Variants in DZIP3 observed in about 807,000 individuals in gnomAD.
The protein encoded by DZIP3 is DAZ interacting zinc finger protein 3, also known as E3 ubiquitin-protein ligase DZIP3.
A neutral mutation model predicts 162.0 loss-of-function variants in DZIP3; 118 were observed. That is an observed-to-expected ratio of 0.73 (90% CI 0.63 to 0.85). The LOEUF is 0.85. Among genes scored for constraint, DZIP3 ranks in the 40% least tolerant of loss-of-function variants. DZIP3 has a pLI of 0.00. For synonymous variants in DZIP3, 438 were observed against 458.6 expected, an observed-to-expected ratio of 0.96 and a Z score of 0.57; for missense variants, 1,331 against 1,407.0, an observed-to-expected ratio of 0.95 and a Z score of 0.86.
intron 5 of DZIP3, 65 bp from the exon 6 acceptor site, chr3:108,624,379 T>A (rs2107563557): frequency 1.2e-6 from 1 of 850,708 alleles, no homozygotes; most frequent in Non-Finnish European, 2.0e-6. Flanking sequence ...GATATTTAAT[T>A]AAGCTTGTTG....
intron 26 of DZIP3, among the ~76,000 whole-genome samples, chr3:108,683,333 A>C (rs1351128627): frequency 3.5e-5 from 5 of 144,184 alleles, no homozygotes; most frequent in African/African-American, 1.2e-4. Context: ...TGTTCTTTTA[A>C]GATGTTAAAA....
intron 4 of DZIP3, among the ~76,000 whole-genome samples, chr3:108,611,997 T>C (rs1940736218): frequency 6.6e-6 from 1 of 151,572 alleles, no homozygotes; most frequent in Non-Finnish European, 1.5e-5. Context: ...TTGTCAAAAA[T>C]GCATTTTTAA....
chr3:108,600,995 A>T (rs1939981584), intron 1 of DZIP3, among the ~76,000 whole-genome samples: 1 of 152,202 alleles, frequency 6.6e-6, no homozygotes, highest in Non-Finnish European at 1.5e-5. Flanking sequence ...TAATTTTGAC[A>T]TTAATGGATA....
chr3:108,689,057 A>G (rs1944597177), intron 31 of DZIP3, 133 bp downstream of exon 31: 2 of 823,100 alleles, frequency 2.4e-6, no homozygotes, highest in Admixed American at 2.4e-5. Flanking sequence ...TTTGGGTACC[A>G]CACAGAAACA....
intron 5 of DZIP3, among the ~76,000 whole-genome samples, chr3:108,622,975 A>T (rs534580419): frequency 2.0e-5 from 3 of 150,810 alleles, no homozygotes; most frequent in Non-Finnish European, 4.4e-5. Flanking sequence ...TCTAGTTCAG[A>T]TCCGAAGCCA....
chr3:108,611,716 A>G (rs1940715414), intron 4 of DZIP3, among the ~76,000 whole-genome samples: 1 of 152,280 alleles, frequency 6.6e-6, no homozygotes, highest in African/African-American at 2.4e-5. Flanking sequence ...CTCTAATCCT[A>G]GCACTTTGGG....
Position 108,626,417 on chromosome 3 carries a change from T to C in DZIP3, c.581+448T>C, listed in dbSNP as rs186067577. Among the ~76,000 whole-genome samples the C allele has an allele frequency of 4.1e-4, 63 of 152,358 alleles. No homozygotes were observed. The Middle Eastern group carries it at 0.01, about 25-fold the overall frequency. On this transcript the variant is annotated intron_variant, in intron 7 of 32. Transcript: ENST00000361582. Reference sequence around the variant, plus strand: ...AAATTATGGTTGGAGTTATTAGTATTATCACCACTAACTTGGAATAGTTTT... The same window carrying C: ...AAATTATGGTTGGAGTTATTAGTATCATCACCACTAACTTGGAATAGTTTT...
intron 4 of DZIP3, among the ~76,000 whole-genome samples, chr3:108,614,950 A>G (rs945726375): frequency 3.9e-5 from 6 of 152,068 alleles, no homozygotes; most frequent in African/African-American, 1.4e-4. Context: ...CAAATAAACT[A>G]TTTCCATTGA....
At chr3:108,671,795 C>A (rs1943935783) in intron 22 of DZIP3, among the ~76,000 whole-genome samples, 1 of 151,908 alleles carries the variant, frequency 6.6e-6, no homozygotes, top group Non-Finnish European at 1.5e-5. Context: ...TTTATATTAT[C>A]TGAATTAATT....
chr3:108,607,590 G>GTA (rs1940452185), intron 2 of DZIP3, among the ~76,000 whole-genome samples: 1 of 152,128 alleles, frequency 6.6e-6, no homozygotes, highest in East Asian at 1.9e-4. Context: ...CCTGTCAAGT[G>GTA]ATCCCTTATT....
At position 108,608,126 on chromosome 3, in the gene DZIP3, G is replaced by C. The variant is rs771172559; in HGVS notation, c.70G>C (p.Glu24Gln). Reference sequence around the variant, plus strand: ...GGAGGATCAGAGGAAGGAAGAAACTGAGAATAAGCTAGAAAAATCATCTGG... The same window carrying C: ...GGAGGATCAGAGGAAGGAAGAAACTCAGAATAAGCTAGAAAAATCATCTGG... ...AVEDQRKEET[E>Q]NKLEKSSGQL... Residue 24 changes from glutamate to glutamine, a missense_variant, in exon 3 of 33, where the codon GAG becomes CAG. Around this residue, in one of 2 missense-constraint regions of DZIP3, gnomAD observed 1,278 missense variants for 1,317.1 expected, o/e 0.97. Coordinates refer to ENST00000361582, the MANE Select transcript of DZIP3 (RefSeq NM_014648.4). The C allele has an allele frequency of 6.2e-7, 1 of 1,613,126 alleles. No individual in the cohort carries two copies. The highest frequency in any genetic ancestry group is 8.5e-7 in the Non-Finnish European group (1 of 1,179,450).
intron 19 of DZIP3, 59 bp from the exon 20 acceptor site, chr3:108,661,818 A>T: frequency 6.9e-7 from 1 of 1,444,008 alleles, no homozygotes; most frequent in Non-Finnish European, 9.6e-7. Context: ...AATCCCTTTC[A>T]AATAACTAAA....
chr3:108,612,745 CTT>C (rs1170679190), intron 4 of DZIP3, among the ~76,000 whole-genome samples: 1 of 151,866 alleles, frequency 6.6e-6, no homozygotes, highest in African/African-American at 2.4e-5. Flanking sequence ...ACTGTATTGT[CTT>C]TTCAATTTTT....
chr3:108,645,671 A>G lies in DZIP3; in HGVS notation c.1759+890A>G, dbSNP rs148462356. Among the ~76,000 whole-genome samples, 12 of 152,338 alleles carry G rather than the reference A, an allele frequency of 7.9e-5. No individual in the cohort carries two copies. In the East Asian group the frequency reaches 2.1e-3, roughly 27 times the overall value. Reference sequence around the variant, plus strand: ...AACAACTGATAACCACACTGATGCTATATAAACATACAACTGTAAAAGTTT... The same window carrying G: ...AACAACTGATAACCACACTGATGCTGTATAAACATACAACTGTAAAAGTTT... On this transcript the variant is annotated intron_variant, in intron 14 of 32. Coordinates refer to ENST00000361582, the MANE Select transcript of DZIP3 (RefSeq NM_014648.4).
rs1576363948 is a variant in DZIP3, at chr3:108,616,625, G to A, written c.343G>A (p.Ala115Thr). Residue 115 changes from alanine to threonine, a missense_variant, in exon 5 of 33, where the codon GCA (alanine) becomes ACA (threonine). Ala to Thr is a moderately conservative substitution (Grantham distance 58). Coordinates refer to ENST00000361582, the MANE Select transcript of DZIP3 (RefSeq NM_014648.4). ...TTTCTTGATTACACAGCTAGAAGCA[G>A]CACTTAGGAACATTCAAGCTGGCAA... ...LRFLITQLEAALRNIQAGNYT... is the reference protein window; with the variant it reads ...LRFLITQLEATLRNIQAGNYT... 1 of 1,604,118 alleles carries A rather than the reference G, an allele frequency of 6.2e-7. No individual in the cohort carries two copies. The highest frequency in any genetic ancestry group is 1.1e-5 in the South Asian group (1 of 89,786).
At chr3:108,686,053 G>A (rs1944487179) in intron 27 of DZIP3, among the ~76,000 whole-genome samples, 1 of 152,068 alleles carries the variant, frequency 6.6e-6, no homozygotes, top group South Asian at 2.1e-4. Flanking sequence ...TAGATGTAAG[G>A]TTTTTTCAGT....
chr3:108,633,945 ATC>A (rs1189753178), intron 9 of DZIP3, among the ~76,000 whole-genome samples: 1 of 147,932 alleles, frequency 6.8e-6, no homozygotes, highest in African/African-American at 2.5e-5. Flanking sequence ...CTTCTGATAG[ATC>A]TCTCTCTCTG....
chr3:108,629,182 A>G lies in DZIP3; in HGVS notation c.696+6A>G. 1.3e-6 allele frequency: 2 copies of G among 1,518,772 alleles called. No individual in the cohort carries two copies. The highest frequency in any genetic ancestry group is 1.8e-6 in the Non-Finnish European group (2 of 1,118,190). 94.1% of individuals were successfully genotyped at this position (1,518,772 alleles called of 1,614,324 possible). On this transcript the variant is annotated splice_donor_region_variant and intron_variant, in intron 8 of 32. Coordinates refer to ENST00000361582, the MANE Select transcript of DZIP3 (RefSeq NM_014648.4). ...ATTTACCTACAACTTTTAAAGTAAG[A>G]AATTATTTAAGAGTAACATTTTATT...
chr3:108,636,128 T>C (rs1942137049), intron 10 of DZIP3, among the ~76,000 whole-genome samples: 1 of 151,986 alleles, frequency 6.6e-6, no homozygotes. Flanking sequence ...TTTTAAGTGG[T>C]ATATACTTTA....
Sources: allele counts gnomAD v4.1 joint callset (sites outside exome capture counted in the v4.1 genomes callset), GRCh38; gene constraint gnomAD v4.1.1; regional missense constraint gnomAD v4.1.1; transcripts MANE v1.5; gene names NCBI Gene and HGNC (gene_info 2026-07-23, HGNC 2026-07-21).